Variants in KIAA0825 observed in about 807,000 individuals in gnomAD.
KIAA0825 encodes KIAA0825.
In KIAA0825, 119 loss-of-function variants were observed where a neutral mutation model predicts 147.6. The observed-to-expected ratio is 0.81, with a 90% CI of 0.69 to 0.94. The LOEUF is 0.94. Ranked by LOEUF, KIAA0825 falls within the 40% of genes least tolerant of loss-of-function variation. The probability of loss-of-function intolerance (pLI) is 0.00; values close to 1 mark genes in which losing one functional copy is unlikely to be tolerated. For missense variants in KIAA0825, 1,381 were observed against 1,472.7 expected (o/e 0.94, Z 1.02); for synonymous variants, 470 against 518.1 (o/e 0.91, Z 1.26).
intron 20 of KIAA0825, among the ~76,000 whole-genome samples, chr5:94,302,025 G>A (rs1187687996): frequency 6.6e-6 from 1 of 152,124 alleles, no homozygotes; most frequent in Non-Finnish European, 1.5e-5. Context: ...AGGCATAAAA[G>A]GTGATTGTTC....
chr5:94,238,633 CA>C (rs1775188044), intron 20 of KIAA0825, among the ~76,000 whole-genome samples: 2 of 152,102 alleles, frequency 1.3e-5, no homozygotes, highest in African/African-American at 4.8e-5. Flanking sequence ...TGATTTTTAA[CA>C]ATCCATATTA....
At chr5:94,233,475 C>T (rs1405468179) in intron 20 of KIAA0825, among the ~76,000 whole-genome samples, 1 of 152,162 alleles carries the variant, frequency 6.6e-6, no homozygotes, top group Non-Finnish European at 1.5e-5. Flanking sequence ...GTCAACTTGA[C>T]ACTTCAAGGA....
intron 20 of KIAA0825, among the ~76,000 whole-genome samples, chr5:94,345,386 A>G (rs1216946372): frequency 5.9e-5 from 9 of 152,112 alleles, no homozygotes; most frequent in Admixed American, 1.3e-4. Context: ...AAAAATATCC[A>G]TGTCACATGT....
chr5:94,612,840 A>C (rs1789259912), intron 1 of KIAA0825, among the ~76,000 whole-genome samples: 1 of 152,174 alleles, frequency 6.6e-6, no homozygotes, highest in South Asian at 2.1e-4. Flanking sequence ...CACAGACCCT[A>C]ATTTAAAACA....
intron 20 of KIAA0825, among the ~76,000 whole-genome samples, chr5:94,284,814 T>C (rs1268440378): frequency 6.6e-6 from 1 of 152,180 alleles, no homozygotes; most frequent in Non-Finnish European, 1.5e-5. Flanking sequence ...CATTCATCTT[T>C]CCACCTGTGC....
intron 9 of KIAA0825, among the ~76,000 whole-genome samples, 174 bp downstream of exon 9, chr5:94,471,292 A>T (rs921124865): frequency 3.9e-5 from 6 of 152,146 alleles, no homozygotes; most frequent in African/African-American, 1.4e-4. Context: ...AGTTTAATAT[A>T]TCCCATGCTC....
intron 20 of KIAA0825, among the ~76,000 whole-genome samples, chr5:94,183,269 T>A (rs781023580): frequency 6.6e-6 from 1 of 152,202 alleles, no homozygotes; most frequent in South Asian, 2.1e-4. Context: ...AAATCTGTTA[T>A]GAATTTTGTG....
chr5:94,529,236 GT>G (rs1241444751), intron 3 of KIAA0825, among the ~76,000 whole-genome samples: 21 of 127,692 alleles, frequency 1.6e-4, no homozygotes, highest in African/African-American at 4.0e-4. Flanking sequence ...TCATATATAT[GT>G]ATATATACAT....
At chr5:94,378,091 G>A (rs969738885) in intron 20 of KIAA0825, among the ~76,000 whole-genome samples, 10 of 152,174 alleles carry the variant, frequency 6.6e-5, no homozygotes, top group African/African-American at 2.2e-4. Context: ...AATAACAGTG[G>A]GGGTTTTATT....
intron 20 of KIAA0825, among the ~76,000 whole-genome samples, chr5:94,178,699 A>G (rs1040998139): frequency 3.3e-5 from 5 of 152,100 alleles, no homozygotes; most frequent in Admixed American, 6.6e-5. Context: ...TTACAATGCT[A>G]TAGACAGGTG....
chr5:94,154,548 AAAG>A (rs982839124), intron 20 of KIAA0825, among the ~76,000 whole-genome samples: 26 of 152,206 alleles, frequency 1.7e-4, no homozygotes, highest in Non-Finnish European at 3.4e-4. Context: ...CCTTTAGCAG[AAAG>A]AAGAACATCG....
chr5:94,218,523 T>C (rs1480115857), intron 20 of KIAA0825, among the ~76,000 whole-genome samples: 1 of 152,212 alleles, frequency 6.6e-6, no homozygotes, highest in Non-Finnish European at 1.5e-5. Context: ...TATCTTTTAT[T>C]TCCCTGCTTT....
intron 13 of KIAA0825, among the ~76,000 whole-genome samples, chr5:94,443,336 T>TA (rs1757327233): frequency 6.9e-6 from 1 of 145,430 alleles, no homozygotes; most frequent in Non-Finnish European, 1.5e-5. Context: ...AAGGGAAATT[T>TA]TATATATATA....
At chr5:94,273,621 C>A (rs964622835) in intron 20 of KIAA0825, among the ~76,000 whole-genome samples, 1 of 152,194 alleles carries the variant, frequency 6.6e-6, no homozygotes, top group South Asian at 2.1e-4. Flanking sequence ...CTATCAAAAT[C>A]ATAAATTCTT....
intron 20 of KIAA0825, among the ~76,000 whole-genome samples, chr5:94,353,797 C>T (rs1783959135): frequency 6.6e-6 from 1 of 151,970 alleles, no homozygotes; most frequent in African/African-American, 2.4e-5. Flanking sequence ...GGGTCGGGGG[C>T]AGGGACACCG....
chr5:94,178,243 T>C (rs551754325), intron 20 of KIAA0825, among the ~76,000 whole-genome samples: 130 of 152,146 alleles, frequency 8.5e-4, no homozygotes, highest in African/African-American at 3.1e-3. Context: ...CTGCAATTAC[T>C]AACCTTTTTT....
chr5:94,544,431 T>C (rs1029552646), intron 2 of KIAA0825, among the ~76,000 whole-genome samples: 1 of 152,220 alleles, frequency 6.6e-6, no homozygotes, highest in African/African-American at 2.4e-5. Flanking sequence ...TTCATTCTGT[T>C]ATTTTTGTCT....
chr5:94,417,496 A>G (rs1183037745), intron 14 of KIAA0825, 131 bp from the exon 15 acceptor site: 1 of 668,114 alleles, frequency 1.5e-6, no homozygotes, highest in Non-Finnish European at 2.4e-6. Context: ...ATAAAAAGAG[A>G]ATTACCAGAT....
chr5:94,541,700 C>T (rs1214013648), intron 2 of KIAA0825, among the ~76,000 whole-genome samples: 1 of 152,152 alleles, frequency 6.6e-6, no homozygotes, highest in East Asian at 1.9e-4. Flanking sequence ...AAGATTTATG[C>T]AAATCTTACC....
Sources: allele counts gnomAD v4.1 joint callset (sites outside exome capture counted in the v4.1 genomes callset), GRCh38; gene constraint gnomAD v4.1.1; transcripts MANE v1.5; gene names NCBI Gene and HGNC (gene_info 2026-07-23, HGNC 2026-07-21).